Variants in PDE10A observed in about 807,000 individuals in gnomAD.
PDE10A encodes the protein cAMP and cAMP-inhibited cGMP 3',5'-cyclic phosphodiesterase 10A.
Under a neutral mutation model 97.7 loss-of-function variants are expected in PDE10A, and 39 were observed. The observed-to-expected ratio is 0.40, with a 90% confidence interval of 0.31 to 0.52. The LOEUF is 0.52. Among genes scored for constraint, PDE10A ranks in the 20% least tolerant of loss-of-function variants. The probability of loss-of-function intolerance (pLI) is 0.56; values close to 1 mark genes in which losing one functional copy is unlikely to be tolerated. For synonymous variants in PDE10A, 371 were observed against 376.8 expected, an observed-to-expected ratio of 0.98 and a Z score of 0.18; for missense variants, 731 against 1,047.8, an observed-to-expected ratio of 0.70 and a Z score of 4.17.
At chr6:165,748,803 G>T (rs1792899877) in intron 1 of PDE10A, among the ~76,000 whole-genome samples, 1 of 136,554 alleles carries the variant, frequency 7.3e-6, no homozygotes, top group Admixed American at 7.0e-5. Flanking sequence ...ATTATAGAAA[G>T]AAGTTTGTGT....
chr6:165,904,508 T>G (rs983612351), intron 1 of PDE10A, among the ~76,000 whole-genome samples: 1 of 152,220 alleles, frequency 6.6e-6, no homozygotes, highest in Non-Finnish European at 1.5e-5. Flanking sequence ...AACTTTAATT[T>G]TTCAAAATAA....
At chr6:165,913,597 G>A (rs1253021338) in intron 1 of PDE10A, among the ~76,000 whole-genome samples, 5 of 152,038 alleles carry the variant, frequency 3.3e-5, no homozygotes, top group Non-Finnish European at 5.9e-5. Context: ...TGAATCCAAG[G>A]ATGCAGGACT....
chr6:165,641,480 A>C (rs2128420153), intron 1 of PDE10A, among the ~76,000 whole-genome samples: 1 of 152,332 alleles, frequency 6.6e-6, no homozygotes, highest in Admixed American at 6.5e-5. Context: ...AATCACTAAA[A>C]ACAGGTGCTT....
chr6:165,483,460 ATATCT>A (rs892026998), intron 2 of PDE10A, among the ~76,000 whole-genome samples: 2 of 152,174 alleles, frequency 1.3e-5, no homozygotes, highest in Non-Finnish European at 2.9e-5. Context: ...CATAGGGAAA[ATATCT>A]TATCTTCTAC....
chr6:165,460,787 A>C (rs1312349244), intron 3 of PDE10A, among the ~76,000 whole-genome samples: 1 of 152,190 alleles, frequency 6.6e-6, no homozygotes, highest in Admixed American at 6.5e-5. Flanking sequence ...ACAAGTTCTA[A>C]TTCCAGAACA....
intron 3 of PDE10A, among the ~76,000 whole-genome samples, chr6:165,479,125 G>A (rs1779458022): frequency 6.6e-6 from 1 of 152,116 alleles, no homozygotes; most frequent in African/African-American, 2.4e-5. Flanking sequence ...ACTGTAACAG[G>A]TCTTGGATAC....
At chr6:165,479,896 T>C (rs1779506876) in intron 3 of PDE10A, among the ~76,000 whole-genome samples, 1 of 152,082 alleles carries the variant, frequency 6.6e-6, no homozygotes, top group Admixed American at 6.5e-5. Flanking sequence ...ATAATGATAG[T>C]TTACTCAAAG....
chr6:165,855,352 G>A (rs947010850), intron 1 of PDE10A, among the ~76,000 whole-genome samples: 1 of 150,694 alleles, frequency 6.6e-6, no homozygotes, highest in Admixed American at 6.6e-5. Context: ...GGATCACCTG[G>A]TAGCCTTGGG....
At chr6:165,336,005 A>G (rs935986372) in intron 21 of PDE10A, 118 bp downstream of exon 21, 2 of 831,748 alleles carry the variant, frequency 2.4e-6, no homozygotes, top group Non-Finnish European at 4.0e-6. Flanking sequence ...CCTGAGCACA[A>G]CAACTCGACA....
Position 165,928,389 on chromosome 6 carries a change from G to C in PDE10A, c.-615+59140C>G, listed in dbSNP as rs544916422. Reference sequence around the variant, plus strand: ...CCGAGGGAAGAGTCAGTCTTACGTGGTTTCTGCACAACCTGCTGGACCCAC... The same window carrying C: ...CCGAGGGAAGAGTCAGTCTTACGTGCTTTCTGCACAACCTGCTGGACCCAC... On this transcript the variant is annotated intron_variant, in intron 1 of 19. Transcript: ENST00000366882. Among the ~76,000 whole-genome samples the C allele has an allele frequency of 1.2e-4, 18 of 152,306 alleles. No homozygotes were observed. In the South Asian group the frequency reaches 3.7e-3, roughly 32 times the overall value.
chr6:165,663,021 C>T lies in PDE10A; in HGVS notation c.-210G>A, dbSNP rs1790371645. On this transcript the variant is annotated 5_prime_UTR_variant, in exon 1 of 22. Coordinates refer to ENST00000539869, the MANE Select transcript of PDE10A (RefSeq NM_001385079.1). ...TTGCGGGAGGACCCGGGCCTGGGGG[C>T]CAGGCCCCGGCGACGGCGCCTGGCT... Among the ~76,000 whole-genome samples, 1 of 151,446 alleles carries T rather than the reference C, an allele frequency of 6.6e-6. No individual in the cohort carries two copies. Among genetic ancestry groups the T allele is most frequent in the South Asian group, 2.1e-4 (1 of 4,820 alleles).
intron 1 of PDE10A, among the ~76,000 whole-genome samples, chr6:165,717,455 G>A (rs1792052211): frequency 6.6e-6 from 1 of 152,144 alleles, no homozygotes; most frequent in South Asian, 2.1e-4. Context: ...GTGGTGGCTT[G>A]TGCCTGTAAT....
intron 1 of PDE10A, among the ~76,000 whole-genome samples, chr6:165,764,909 A>G (rs1777787578): frequency 6.6e-6 from 1 of 152,118 alleles, no homozygotes; most frequent in Non-Finnish European, 1.5e-5. Context: ...GGTAGAGCCG[A>G]GTGGTCTGTT....
chr6:165,757,264 G>A (rs1312465364), intron 1 of PDE10A, among the ~76,000 whole-genome samples: 1 of 152,136 alleles, frequency 6.6e-6, no homozygotes, highest in Admixed American at 6.5e-5. Context: ...GCCCAGCCTA[G>A]GATGCTAGTC....
intron 18 of PDE10A, among the ~76,000 whole-genome samples, chr6:165,364,577 A>G (rs1002561642): frequency 2.6e-5 from 4 of 152,186 alleles, no homozygotes; most frequent in African/African-American, 9.7e-5. Flanking sequence ...ATTTGATTGG[A>G]AAAAGGTAGA....
At chr6:165,407,373 A>G (rs1407084037) in intron 13 of PDE10A, among the ~76,000 whole-genome samples, 1 of 151,930 alleles carries the variant, frequency 6.6e-6, no homozygotes. Flanking sequence ...TTTAAATTCT[A>G]TACATCCATT....
Position 165,543,573 on chromosome 6 carries a change from A to G in PDE10A, c.866-5T>C. 1 of 1,596,558 alleles carries G rather than the reference A, an allele frequency of 6.3e-7. No individual in the cohort carries two copies. Reference sequence around the variant, plus strand: ...TCACTTTTTCATCTGTCAAACCTGTAAAAGAATTGAAAAGAATAAAATTCA... The same window carrying G: ...TCACTTTTTCATCTGTCAAACCTGTGAAAGAATTGAAAAGAATAAAATTCA... On this transcript the variant is annotated splice_region_variant and splice_polypyrimidine_tract_variant and intron_variant, in intron 1 of 21. Coordinates refer to ENST00000539869, the MANE Select transcript of PDE10A (RefSeq NM_001385079.1).
chr6:165,542,515 G>A (rs559495764), intron 2 of PDE10A, among the ~76,000 whole-genome samples: 31 of 151,194 alleles, frequency 2.1e-4, no homozygotes, highest in African/African-American at 7.0e-4. Flanking sequence ...TTTAAACCAC[G>A]ATGTGCTTAA....
chr6:165,353,021 A>T (rs976645806), intron 18 of PDE10A, among the ~76,000 whole-genome samples: 2 of 152,254 alleles, frequency 1.3e-5, no homozygotes, highest in Non-Finnish European at 2.9e-5. Context: ...ATATAAAAAT[A>T]GGGCTAAAGA....
Sources: gnomAD v4.1 joint callset for allele counts (sites outside exome capture counted in the v4.1 genomes callset) on GRCh38, gnomAD v4.1.1 for gene constraint, MANE v1.5 for transcripts, NCBI Gene and HGNC (gene_info 2026-07-23, HGNC 2026-07-21) for gene names.